The following ZNF804A variants were observed in gnomAD, a reference collection of about 807,000 sequenced individuals.
The protein encoded by ZNF804A is zinc finger protein 804A.
A neutral mutation model predicts 16.5 loss-of-function variants in ZNF804A; 2 were observed. That is an observed-to-expected ratio of 0.12 (90% confidence interval 0.05 to 0.38). The LOEUF is 0.38. Ranked by LOEUF, ZNF804A falls within the 10% of genes least tolerant of loss-of-function variation. ZNF804A has a pLI of 0.99. For missense variants in ZNF804A, 1,473 were observed against 1,390.7 expected, an observed-to-expected ratio of 1.06 and a Z score of -0.94; for synonymous variants, 534 against 489.6, an observed-to-expected ratio of 1.09 and a Z score of -1.20.
chr2:184,788,860 T>A (rs534266653), intron 1 of ZNF804A, among the ~76,000 whole-genome samples: 2 of 152,050 alleles, frequency 1.3e-5, no homozygotes, highest in Non-Finnish European at 2.9e-5. Context: ...AAGACTTCTC[T>A]TACTATGTTG....
intron 1 of ZNF804A, among the ~76,000 whole-genome samples, chr2:184,815,428 A>C (rs933924957): frequency 3.3e-5 from 5 of 151,888 alleles, no homozygotes; most frequent in Non-Finnish European, 7.4e-5. Flanking sequence ...TGCTATGTTC[A>C]TAATTCTGTG....
intron 1 of ZNF804A, among the ~76,000 whole-genome samples, chr2:184,625,073 C>T (rs952268988): frequency 1.3e-5 from 2 of 152,114 alleles, no homozygotes; most frequent in African/African-American, 4.8e-5. Context: ...ACAATTTAAT[C>T]TTTCAGAATT....
rs1484998341 is a variant in ZNF804A at position 184,811,669 on chromosome 2, C to A, written c.112-54700C>A. ...TTGAGACTGCAATGTGCAATTATGG[C>A]ACCTGTGAATAGCAACTGAACTCCA... On this transcript the variant is annotated intron_variant, in intron 1 of 3. Transcript: ENST00000302277. Among the ~76,000 whole-genome samples the A allele has an allele frequency of 2.0e-5, 3 of 152,172 alleles. No individual in the cohort carries two copies. In the East Asian group the frequency reaches 5.8e-4, roughly 29 times the overall value.
intron 1 of ZNF804A, among the ~76,000 whole-genome samples, chr2:184,830,742 A>G (rs1310863338): frequency 1.3e-5 from 2 of 152,144 alleles, no homozygotes; most frequent in Non-Finnish European, 2.9e-5. Context: ...TTGATATTTC[A>G]TAATGAGTCA....
At chr2:184,786,418 T>A (rs960290222) in intron 1 of ZNF804A, among the ~76,000 whole-genome samples, 2 of 152,084 alleles carry the variant, frequency 1.3e-5, no homozygotes, top group African/African-American at 2.4e-5. Flanking sequence ...CACTTTGGAC[T>A]AGTCATTTTG....
intron 1 of ZNF804A, among the ~76,000 whole-genome samples, chr2:184,656,823 C>T (rs1166086996): frequency 6.6e-6 from 1 of 151,736 alleles, no homozygotes; most frequent in Non-Finnish European, 1.5e-5. Flanking sequence ...ATATTGTGTA[C>T]AGTTGTCCAG....
At chr2:184,709,605 CA>C (rs1489133952) in intron 1 of ZNF804A, among the ~76,000 whole-genome samples, 1 of 151,270 alleles carries the variant, frequency 6.6e-6, no homozygotes, top group Non-Finnish European at 1.5e-5. Context: ...ACTAAAGTAT[CA>C]AAAAAACCTC....
At chr2:184,899,083 A>G (rs1685134483) in intron 2 of ZNF804A, among the ~76,000 whole-genome samples, 1 of 151,966 alleles carries the variant, frequency 6.6e-6, no homozygotes, top group Non-Finnish European at 1.5e-5. Flanking sequence ...TATAATGACA[A>G]TCACCATGTT....
intron 1 of ZNF804A, among the ~76,000 whole-genome samples, chr2:184,795,378 A>G (rs1293969141): frequency 2.0e-5 from 3 of 151,786 alleles, no homozygotes; most frequent in East Asian, 3.9e-4. Flanking sequence ...CCAAATGGCA[A>G]TAGTGACACA....
chr2:184,872,849 A>G (rs1015305332), intron 2 of ZNF804A, among the ~76,000 whole-genome samples: 10 of 152,202 alleles, frequency 6.6e-5, no homozygotes, highest in African/African-American at 2.2e-4. Flanking sequence ...AGACTATTAC[A>G]TACAGTTCTG....
chr2:184,815,176 A>T (rs143996629), intron 1 of ZNF804A, among the ~76,000 whole-genome samples: 138 of 152,126 alleles, frequency 9.1e-4, no homozygotes, highest in African/African-American at 3.2e-3. Context: ...TAAGAAGTTC[A>T]GAAATCCACA....
At chr2:184,826,086 G>A (rs147166223) in intron 1 of ZNF804A, among the ~76,000 whole-genome samples, 9,929 of 151,616 alleles carry the variant, frequency 0.065, 1,117 homozygotes, top group African/African-American at 0.23. Flanking sequence ...GGGTTTCACC[G>A]TGCTGGCCAG....
chr2:184,764,855 T>C (rs1261198115), intron 1 of ZNF804A, among the ~76,000 whole-genome samples: 1 of 152,184 alleles, frequency 6.6e-6, no homozygotes, highest in Non-Finnish European at 1.5e-5. Context: ...TTTCTGAATG[T>C]TTTAGTCCAT....
chr2:184,877,979 G>A (rs980652240), intron 2 of ZNF804A, among the ~76,000 whole-genome samples: 3 of 152,052 alleles, frequency 2.0e-5, no homozygotes, highest in Admixed American at 6.6e-5. Flanking sequence ...AAGGGGAGAC[G>A]CATTACAAAG....
At chr2:184,647,467 A>T (rs1229319958) in intron 1 of ZNF804A, among the ~76,000 whole-genome samples, 1 of 152,222 alleles carries the variant, frequency 6.6e-6, no homozygotes, top group Non-Finnish European at 1.5e-5. Flanking sequence ...ACAGGATCCA[A>T]TACATGGTTG....
At chr2:184,644,519 T>C (rs1263869402) in intron 1 of ZNF804A, among the ~76,000 whole-genome samples, 1 of 152,040 alleles carries the variant, frequency 6.6e-6, no homozygotes, top group East Asian at 1.9e-4. Context: ...TGTTTGACAG[T>C]TAACTTCAAA....
intron 1 of ZNF804A, among the ~76,000 whole-genome samples, chr2:184,779,852 G>A (rs1042255781): frequency 4.0e-5 from 6 of 151,692 alleles, no homozygotes; most frequent in African/African-American, 1.5e-4. Context: ...TGAATTTGCT[G>A]TATCTTAAGC....
intron 2 of ZNF804A, among the ~76,000 whole-genome samples, chr2:184,897,962 G>A (rs1685115530): frequency 6.6e-6 from 1 of 152,030 alleles, no homozygotes; most frequent in South Asian, 2.1e-4. Flanking sequence ...CCAAGATCTG[G>A]GCTCTAGGTC....
At chr2:184,766,092 G>A (rs779578259) in intron 1 of ZNF804A, among the ~76,000 whole-genome samples, 1 of 152,008 alleles carries the variant, frequency 6.6e-6, no homozygotes, top group Non-Finnish European at 1.5e-5. Context: ...AACATGTATC[G>A]ATGTACAATA....
Sources: allele counts gnomAD v4.1 joint callset (sites outside exome capture counted in the v4.1 genomes callset), GRCh38; gene constraint gnomAD v4.1.1; transcripts MANE v1.5; gene names NCBI Gene and HGNC (gene_info 2026-07-23, HGNC 2026-07-21).